Variants in SECISBP2 observed in about 807,000 individuals in gnomAD.
SECISBP2 encodes SECIS binding protein 2.
In SECISBP2, 96 loss-of-function variants were observed where a neutral mutation model predicts 98.2. The observed-to-expected ratio is 0.98, with a 90% CI of 0.83 to 1.16. The LOEUF is 1.16. Among genes scored for constraint, SECISBP2 ranks in the 50% most tolerant of loss-of-function variants. The pLI, the probability that SECISBP2 is intolerant of heterozygous loss-of-function variation, is 0.00. For missense variants in SECISBP2, 1,046 were observed against 1,022.9 expected, an observed-to-expected ratio of 1.02 and a Z score of -0.31; for synonymous variants, 407 against 370.2, an observed-to-expected ratio of 1.10 and a Z score of -1.14.
intron 10 of SECISBP2, among the ~76,000 whole-genome samples, chr9:89,346,678 C>G: frequency 7.5e-6 from 1 of 133,644 alleles, no homozygotes; most frequent in East Asian, 1.9e-4. Flanking sequence ...CCAAAAGATA[C>G]TAAGTTTCAT....
intron 11 of SECISBP2, among the ~76,000 whole-genome samples, chr9:89,347,778 C>T (rs542550033): frequency 3.6e-4 from 55 of 152,328 alleles, no homozygotes; most frequent in African/African-American, 1.2e-3. Flanking sequence ...AGCCTCCCTC[C>T]GGTGAATTCT....
chr9:89,350,064 G>T, intron 13 of SECISBP2, 135 bp downstream of exon 13: 1 of 1,045,174 alleles, frequency 9.6e-7, no homozygotes. Flanking sequence ...AAAGAAGCTG[G>T]GTACCTGGTT....
chr9:89,319,774 TGTTCAGGAACCACCA>T lies in SECISBP2; in HGVS notation c.162_176del (p.Gln55_Val59del), dbSNP rs1227143781. ...GCTCTGCAGCCACATACTATCCGTT[TGTTCAGGAACCACCA>T]GTGACAGAGTATGTATCTTTCTAAA... On this transcript the variant is annotated inframe_deletion, in exon 2 of 17. Coordinates refer to ENST00000375807, the MANE Select transcript of SECISBP2 (RefSeq NM_024077.5). 3 of 1,614,094 alleles carry T rather than the reference TGTTCAGGAACCACCA, an allele frequency of 1.9e-6. No homozygotes were observed. The highest frequency in any genetic ancestry group is 2.5e-6 in the Non-Finnish European group (3 of 1,180,038).
chr9:89,357,637 G>GTGAGCC, intron 15 of SECISBP2, 72 bp downstream of exon 15: 1 of 1,586,912 alleles, frequency 6.3e-7, no homozygotes, highest in Non-Finnish European at 8.6e-7. Context: ...GTCAGTGTGG[G>GTGAGCC]CTCACCCACA....
intron 10 of SECISBP2, among the ~76,000 whole-genome samples, chr9:89,342,266 A>G (rs1325727728): frequency 5.3e-5 from 8 of 152,256 alleles, no homozygotes; most frequent in African/African-American, 1.9e-4. Context: ...GATGATTATA[A>G]TCCAAAAACA....
At chr9:89,355,292 C>T (rs1462270300) in intron 14 of SECISBP2, 1 of 984,910 alleles carries the variant, frequency 1.0e-6, no homozygotes, top group African/African-American at 1.7e-5. Context: ...AGGCCAGATG[C>T]CTGGCCTACA....
chr9:89,325,563 C>T lies in SECISBP2; in HGVS notation c.319C>T (p.Pro107Ser), dbSNP rs373079221. Residue 107 changes from proline to serine, a missense_variant, in exon 3 of 17, where the codon CCT becomes TCT. Pro to Ser is a moderately conservative substitution (Grantham distance 74). Transcript: ENST00000375807. ...LDSTQNVYSV[P>S]GSQYLYNQPS... ...CTCCACACAGAATGTTTACTCAGTGCCTGGCTCCCAGTATCTTTATAACCA... is the reference window on the plus strand; with the variant it reads ...CTCCACACAGAATGTTTACTCAGTGTCTGGCTCCCAGTATCTTTATAACCA... 5 of 1,614,016 alleles carry T rather than the reference C, an allele frequency of 3.1e-6. No individual in the cohort carries two copies. The African/African-American group carries it at 6.7e-5, about 22-fold the overall frequency.
At chr9:89,358,220 G>A in intron 16 of SECISBP2, 29 bp downstream of exon 16, 2 of 1,596,022 alleles carry the variant, frequency 1.3e-6, no homozygotes, top group African/African-American at 1.3e-5. Context: ...GTTGTGTCAG[G>A]TCGAGTGTCC....
intron 5 of SECISBP2, chr9:89,329,269 C>T (rs1371309346): frequency 4.5e-6 from 1 of 222,310 alleles, no homozygotes; most frequent in East Asian, 1.3e-4. Context: ...CACACTGCCA[C>T]GCTGGCTAAT....
intron 12 of SECISBP2, among the ~76,000 whole-genome samples, chr9:89,349,288 TTAAAC>T (rs879924556): frequency 6.6e-6 from 1 of 152,226 alleles, no homozygotes; most frequent in Non-Finnish European, 1.5e-5. Context: ...TCTGGTGTGT[TTAAAC>T]TAAACACACC....
intron 5 of SECISBP2, chr9:89,330,553 G>C (rs1302755174): frequency 6.6e-6 from 1 of 152,296 alleles, no homozygotes; most frequent in Non-Finnish European, 1.5e-5. Context: ...AAGGCTCAGT[G>C]ACAGTTGCTG....
rs1415193770 is a variant in SECISBP2 at position 89,348,087 on chromosome 9, G to T, written c.1611G>T (p.Leu537Phe). 16 of 1,612,984 alleles carry T rather than the reference G, an allele frequency of 9.9e-6. No individual in the cohort carries two copies. Among genetic ancestry groups the T allele is most frequent in the Non-Finnish European group, 1.3e-5 (15 of 1,179,114 alleles). Residue 537 changes from leucine (L) to phenylalanine (F), a missense_variant, in exon 12 of 17, where the codon TTG becomes TTT. By Grantham distance (22) the Leu-to-Phe change is conservative (BLOSUM62 0). Transcript: ENST00000375807. The part of the protein sequence containing the change: ...KKPTSLKKII[L>F]KERQERKQRL... The stretch of plus-strand genomic sequence containing the variant: ...TTTATTTAATTTTTAAGATTATTTT[G>T]AAAGAACGGCAAGAGAGAAAGCAGC...
intron 4 of SECISBP2, among the ~76,000 whole-genome samples, chr9:89,327,422 C>G (rs1453555655): frequency 1.3e-5 from 2 of 152,052 alleles, no homozygotes; most frequent in Non-Finnish European, 2.9e-5. Flanking sequence ...TTTAATTTTT[C>G]TAACTTTCTG....
chr9:89,325,615 C>T lies in SECISBP2; in HGVS notation c.371C>T (p.Thr124Ile). The T allele has an allele frequency of 6.2e-7, 1 of 1,614,128 alleles. No individual in the cohort carries two copies. ...NQPSCYRGFQ[T>I]VKHRNENTCP... ...CCCAGTTGTTACCGAGGTTTTCAAA[C>T]AGTGAAGCATCGAAATGAGAACACA... Residue 124 changes from threonine to isoleucine, a missense_variant, in exon 3 of 17, where the codon ACA becomes ATA. Thr to Ile is a moderately conservative substitution (Grantham distance 89, BLOSUM62 -1). Coordinates refer to ENST00000375807, the MANE Select transcript of SECISBP2 (RefSeq NM_024077.5).
chr9:89,330,402 G>A (rs1486165594), intron 5 of SECISBP2: 1 of 152,230 alleles, frequency 6.6e-6, no homozygotes, highest in East Asian at 1.9e-4. Context: ...AGGAGCAGTG[G>A]AGTACATGCC....
intron 5 of SECISBP2, among the ~76,000 whole-genome samples, chr9:89,332,187 A>T (rs1827859498): frequency 4.6e-5 from 7 of 152,140 alleles, no homozygotes; most frequent in Admixed American, 4.6e-4. Context: ...TTCACAGCAA[A>T]GTTGAGAGGA....
chr9:89,335,934 A>G (rs139780270), intron 7 of SECISBP2, among the ~76,000 whole-genome samples: 1 of 152,268 alleles, frequency 6.6e-6, no homozygotes, highest in Non-Finnish European at 1.5e-5. Context: ...GGCTTTTACC[A>G]GTACAAGAGT....
chr9:89,349,731 A>T, intron 12 of SECISBP2, 45 bp from the exon 13 acceptor site: 1 of 1,611,262 alleles, frequency 6.2e-7, no homozygotes, highest in Admixed American at 1.7e-5. Context: ...CAGTGTGTGC[A>T]CTGGGCCTCA....
intron 14 of SECISBP2, among the ~76,000 whole-genome samples, chr9:89,351,096 C>A (rs1382961021): frequency 6.6e-6 from 1 of 152,206 alleles, no homozygotes; most frequent in Admixed American, 6.5e-5. Flanking sequence ...CCCACACAGG[C>A]CTCTGGCATC....
Sources: gnomAD v4.1 joint callset for allele counts (sites outside exome capture counted in the v4.1 genomes callset) on GRCh38, gnomAD v4.1.1 for gene constraint, MANE v1.5 for transcripts, NCBI Gene and HGNC (gene_info 2026-07-23, HGNC 2026-07-21) for gene names.